ATP8B3: variants seen among roughly 807,000 people sequenced by gnomAD.
ATP8B3 encodes ATPase phospholipid transporting 8B3.
In ATP8B3, 141 loss-of-function variants were observed where a neutral mutation model predicts 140.9. The observed-to-expected ratio is 1.00, with a 90% confidence interval of 0.87 to 1.15. The LOEUF (loss-of-function observed/expected upper bound fraction) is 1.15, where lower values mean the gene tolerates loss of function less well. Ranked by LOEUF, ATP8B3 falls within the 50% of genes most tolerant of loss-of-function variation. The pLI is 0.00. For missense variants in ATP8B3, 1,874 were observed against 1,740.6 expected (o/e 1.08, Z -1.36); for synonymous variants, 765 against 714.6 (o/e 1.07, Z -1.13).
At position 1,785,607 on chromosome 19, in the gene ATP8B3, A is replaced by G; in HGVS notation, c.3255T>C (p.His1085=). ...AGTTGACCAGAGAGGTGGTCACACCATGGGCGATGGCTTGGACGAAGACCC... is the reference window on the plus strand; with the variant it reads ...AGTTGACCAGAGAGGTGGTCACACCGTGGGCGATGGCTTGGACGAAGACCC... ...NYWVFVQAIA[H]GVTTSLVNFF... Residue 1085 remains histidine (H), a synonymous_variant, in exon 26 of 29, where the codon CAT becomes CAC. Transcript: ENST00000310127. The G allele has an allele frequency of 6.2e-7, 1 of 1,613,272 alleles. No individual in the cohort carries two copies. The highest frequency in any genetic ancestry group is 8.5e-7 in the Non-Finnish European group (1 of 1,179,894).
chr19:1,809,868 CAGA>C, intron 3 of ATP8B3, 134 bp from the exon 4 acceptor site: 1 of 775,084 alleles, frequency 1.3e-6, no homozygotes, highest in South Asian at 1.6e-5. Context: ...AGCCCGTAAA[CAGA>C]CAGTCGGGCA....
chr19:1,796,036 C>A (rs534627836), intron 17 of ATP8B3, 41 bp downstream of exon 17: 1 of 1,611,558 alleles, frequency 6.2e-7, no homozygotes. Flanking sequence ...CGTCTGCCCG[C>A]CCCACCTTGG....
Position 1,791,858 on chromosome 19 carries a change from G to C in ATP8B3, c.2194C>G (p.Leu732Val). 2 of 1,610,574 alleles carry C rather than the reference G, an allele frequency of 1.2e-6. No homozygotes were observed. The highest frequency in any genetic ancestry group is 8.5e-7 in the Non-Finnish European group (1 of 1,179,524). ...CTGTCCTCGATGGCTGTGGCTCCCA[G>C]CAGCTGGTGGGGGAGGAGGGCAGGG... is the stretch of plus-strand genomic sequence containing the variant. ...QNRAQALQQL[L>V]GATAIEDRLQ... The change falls in exon 20 of 29, where the codon CTG (leucine) becomes GTG (valine). Residue 732 changes from leucine (L) to valine (V), a missense_variant. By Grantham distance (32) the Leu-to-Val change is conservative (BLOSUM62 1). This residue lies in a region of ATP8B3 where 840 missense variants were observed against 760.9 expected (regional missense o/e 1.10). Transcript: ENST00000310127.
chr19:1,790,827 C>T lies in ATP8B3; in HGVS notation c.2308G>A (p.Ala770Thr). Residue 770 changes from alanine (A) to threonine (T), a missense_variant, in exon 21 of 29, where the codon GCT becomes ACT. Transcript: ENST00000310127. ...WVLTGDKQET[A>T]VNIGFACELL... ...TCGCAGGCGAAGCCGATGTTCACAG[C>T]CGTTTCTGCGAAGCAGACCAGCTCA... 1.3e-6 allele frequency: 2 copies of T among 1,599,006 alleles called. No homozygotes were observed. The highest frequency in any genetic ancestry group is 1.1e-5 in the South Asian group (1 of 88,420).
rs764270080 is a variant in ATP8B3, at chr19:1,791,803, T to G, written c.2249A>C (p.Lys750Thr). ...RLQDGVPETI[K>T]CLKKSNIKIW... ...TTTGATGTTGCTCTTCTTGAGACAT[T>G]TGATGGTTTCAGGGACACCGTCCTG... Residue 750 changes from lysine to threonine, a missense_variant, in exon 20 of 29, where the codon AAA becomes ACA. This residue lies in a region of ATP8B3 where 840 missense variants were observed against 760.9 expected (regional missense o/e 1.10). Transcript: ENST00000310127. 5.6e-6 allele frequency: 9 copies of G among 1,611,780 alleles called. No homozygotes were observed. Among genetic ancestry groups the G allele is most frequent in the Non-Finnish European group, 7.6e-6 (9 of 1,179,804 alleles).
chr19:1,792,058 C>T lies in ATP8B3; in HGVS notation c.2133G>A (p.Gln711=), dbSNP rs1316961454. The change falls in exon 19 of 29, where the codon CAG becomes CAA. Residue 711 remains glutamine, a synonymous_variant. Coordinates refer to ENST00000310127, the MANE Select transcript of ATP8B3 (RefSeq NM_138813.4). ...GGAGGCTGGCCTCCTGGTGGCGCTG[C>T]TGCCAGTCCTCGTAAATGTCCTCAG... The part of the protein sequence containing the change: ...EVAEDIYEDW[Q]QRHQEASLLL... 1 of 1,560,530 alleles carries T rather than the reference C, an allele frequency of 6.4e-7. No homozygotes were observed. Among genetic ancestry groups the T allele is most frequent in the Non-Finnish European group, 8.7e-7 (1 of 1,153,696 alleles).
In ATP8B3 at chr19:1,811,457, G is replaced by A. The variant is rs752609033; in HGVS notation, c.248+32C>T. ...CCCTCCCCGCCAAGCCCCTGCCCCTGTGTTCCGGCCACCCGATGCACCCGT... is the reference window on the plus strand; with the variant it reads ...CCCTCCCCGCCAAGCCCCTGCCCCTATGTTCCGGCCACCCGATGCACCCGT... On this transcript the variant is annotated intron_variant, in intron 2 of 28. Transcript: ENST00000310127. 1.1e-5 allele frequency: 18 copies of A among 1,597,826 alleles called. 2 individuals are homozygous for A. In the African/African-American group the frequency reaches 2.3e-4, roughly 20 times the overall value.
At chr19:1,802,735 C>A in intron 10 of ATP8B3, 90 bp from the exon 11 acceptor site, 1 of 1,453,208 alleles carries the variant, frequency 6.9e-7, no homozygotes, top group South Asian at 1.3e-5. Context: ...ACATTCCGGC[C>A]ACCCTCACGA....
rs924818316 is a variant in ATP8B3, at chr19:1,800,492, C to T, written c.1153-43G>A. ...CAGGGTGGGTGAGGGGGGCGGGGGT[C>T]CCCCACTCTGCCATCAGGATGGGGT... On this transcript the variant is annotated intron_variant, in intron 12 of 28. Transcript: ENST00000310127. The surrounding 1 kb of genome is among the most constrained non-coding windows in gnomAD (Gnocchi z 4.4). 9 of 1,555,924 alleles carry T rather than the reference C, an allele frequency of 5.8e-6. No homozygotes were observed. The highest frequency in any genetic ancestry group is 7.0e-6 in the Non-Finnish European group (8 of 1,137,150).
At chr19:1,793,704 G>A (rs2068585498) in intron 18 of ATP8B3, among the ~76,000 whole-genome samples, 2 of 152,186 alleles carry the variant, frequency 1.3e-5, no homozygotes, top group South Asian at 4.1e-4. Flanking sequence ...TGTGCTCCAA[G>A]GGGTGGCCTT....
At chr19:1,804,570 T>C (rs1273299462) in intron 10 of ATP8B3, among the ~76,000 whole-genome samples, 3 of 150,790 alleles carry the variant, frequency 2.0e-5, no homozygotes, top group South Asian at 2.1e-4. Context: ...ATTGCGCCAC[T>C]GCACTCCAGC....
At chr19:1,791,963 C>A in intron 19 of ATP8B3, 38 bp downstream of exon 19, 2 of 1,563,222 alleles carry the variant, frequency 1.3e-6, no homozygotes, top group Non-Finnish European at 1.7e-6. Context: ...CCCCCGCTGC[C>A]CACCCACCCT....
chr19:1,798,781 T>C (rs1461276866), intron 14 of ATP8B3: 2 of 151,832 alleles, frequency 1.3e-5, no homozygotes, highest in Non-Finnish European at 2.9e-5. Context: ...ACTATTTTAT[T>C]TTGTGATCTG....
Position 1,791,986 on chromosome 19 carries a change from C to T in ATP8B3, c.2190+15G>A, listed in dbSNP as rs1300061475. On this transcript the variant is annotated intron_variant, in intron 19 of 28. Coordinates refer to ENST00000310127, the MANE Select transcript of ATP8B3 (RefSeq NM_138813.4). ...GCCCACCCACCCTGAGGTCCTGCTCCATCTCGTTGTACACCTGTTGCAGGG... is the reference window on the plus strand; with the variant it reads ...GCCCACCCACCCTGAGGTCCTGCTCTATCTCGTTGTACACCTGTTGCAGGG... 3.2e-6 allele frequency: 5 copies of T among 1,557,196 alleles called. No homozygotes were observed. Among genetic ancestry groups the T allele is most frequent in the African/African-American group, 1.4e-5 (1 of 73,350 alleles).
In ATP8B3 at chr19:1,802,555, C is replaced by G; in HGVS notation, c.995G>C (p.Gly332Ala). 1.2e-6 allele frequency: 2 copies of G among 1,610,816 alleles called. No individual in the cohort carries two copies. Residue 332 changes from glycine to alanine, a missense_variant, in exon 11 of 29, where the codon GGC becomes GCC. Around this residue, in one of 3 missense-constraint regions of ATP8B3, gnomAD observed 1,032 missense variants for 963.6 expected, o/e 1.07. Coordinates refer to ENST00000310127, the MANE Select transcript of ATP8B3 (RefSeq NM_138813.4). ...CCTGCAGCCTCGGAGGAGGAGGTTG[C>G]CAATGTCCAGGGAGTATTTCTTGTC... ...WNDKKYSLDI[G>A]NLLLRGCRIR...
intron 22 of ATP8B3, 31 bp downstream of exon 22, chr19:1,789,859 G>A: frequency 2.5e-6 from 4 of 1,607,398 alleles, no homozygotes; most frequent in Non-Finnish European, 3.4e-6. Flanking sequence ...CTGGCGCCGG[G>A]ACCCCGCCGT....
At position 1,806,332 on chromosome 19, in the gene ATP8B3, C is replaced by A; in HGVS notation, c.678-163G>T. On this transcript the variant is annotated intron_variant, in intron 7 of 28. Coordinates refer to ENST00000310127, the MANE Select transcript of ATP8B3 (RefSeq NM_138813.4). This position sits in a 1 kb window ranked among gnomAD's most constrained non-coding sequence, Gnocchi z 5.6. The stretch of plus-strand genomic sequence containing the variant: ...CCCCGGGCTCCCACCCCACTCCCCG[C>A]GGGTCCACGCTCCCACCCAGTGACC... The A allele has an allele frequency of 1.4e-6, 2 of 1,470,066 alleles. No individual in the cohort carries two copies. Among genetic ancestry groups the A allele is most frequent in the Admixed American group, 2.3e-5 (1 of 43,062 alleles). The allele number at this position is 1,470,066 out of a possible 1,614,324, so 91.1% of individuals were successfully genotyped here. A position where few individuals can be genotyped will look rare whatever the true frequency, so the allele number is the denominator to read the frequency against.
At chr19:1,789,197 T>G in intron 23 of ATP8B3, 77 bp from the exon 24 acceptor site, 2 of 717,712 alleles carry the variant, frequency 2.8e-6, no homozygotes, top group Non-Finnish European at 2.0e-6. Context: ...CGCACTGTTC[T>G]GCCCCCTATC....
At position 1,805,855 on chromosome 19, in the gene ATP8B3, C is replaced by A; in HGVS notation, c.821+33G>T. 1 of 1,611,882 alleles carries A rather than the reference C, an allele frequency of 6.2e-7. No individual in the cohort carries two copies. Among genetic ancestry groups the A allele is most frequent in the Non-Finnish European group, 8.5e-7 (1 of 1,179,230 alleles). ...CTCCTCCGGGCCATGCTCCCCACCC[C>A]CCAGGGTCCCCAGCGATGCCACAGC... On this transcript the variant is annotated intron_variant, in intron 9 of 28. Coordinates refer to ENST00000310127, the MANE Select transcript of ATP8B3 (RefSeq NM_138813.4). The surrounding 1 kb of genome is among the most constrained non-coding windows in gnomAD (Gnocchi z 5.2).
Sources: gnomAD v4.1 joint callset for allele counts (sites outside exome capture counted in the v4.1 genomes callset) on GRCh38, gnomAD v4.1.1 for gene constraint, gnomAD v4.1.1 regional missense constraint, Gnocchi (gnomAD v3.1) non-coding constraint, MANE v1.5 for transcripts, NCBI Gene and HGNC (gene_info 2026-07-23, HGNC 2026-07-21) for gene names.